Variants in NEURL1 observed in about 807,000 individuals in gnomAD.
NEURL1 encodes the protein E3 ubiquitin-protein ligase NEURL1.
In NEURL1, 26 loss-of-function variants were observed where a neutral mutation model predicts 41.2. That is an observed-to-expected ratio of 0.63 (90% CI 0.46 to 0.87). The LOEUF is 0.87. Ranked by LOEUF, NEURL1 falls within the 40% of genes least tolerant of loss-of-function variation. The pLI is 0.00. For missense variants in NEURL1, 761 were observed against 871.1 expected, an observed-to-expected ratio of 0.87 and a Z score of 1.59; for synonymous variants, 400 against 402.3, an observed-to-expected ratio of 0.99 and a Z score of 0.07.
At chr10:103,588,448 T>C (rs2035968559) in intron 4 of NEURL1, among the ~76,000 whole-genome samples, 1 of 151,952 alleles carries the variant, frequency 6.6e-6, no homozygotes. Context: ...GAGGGAGTAA[T>C]GTGGTCTGGG....
intron 1 of NEURL1, among the ~76,000 whole-genome samples, chr10:103,520,587 T>A (rs1009667462): frequency 2.6e-5 from 4 of 152,186 alleles, no homozygotes; most frequent in Non-Finnish European, 5.9e-5. Context: ...ATCTGGATGT[T>A]TACGTGCAGG....
In NEURL1 at chr10:103,538,943, GTT is replaced by G. The variant is rs59036052; in HGVS notation, c.86-31915_86-31914del. 6.4e-4 allele frequency among the ~76,000 whole-genome samples: 83 copies of G among 129,210 alleles called. 1 individual carries two copies. Among genetic ancestry groups the G allele is most frequent in the Middle Eastern group, 4.8e-3 (1 of 208 alleles). The allele number at this position is 129,210 out of a possible 152,430, so 84.8% of individuals were successfully genotyped here. On this transcript the variant is annotated intron_variant, in intron 1 of 5. Coordinates refer to ENST00000369780, the MANE Select transcript of NEURL1 (RefSeq NM_004210.5). The stretch of plus-strand genomic sequence containing the variant: ...ATTACAGGCATGAGCCACCGCACCC[GTT>G]TTTTTTTTTTTTTCTTTTTCAGACA...
At chr10:103,494,854 T>G in intron 1 of NEURL1, 1 of 215,140 alleles carries the variant, frequency 4.6e-6, no homozygotes, top group Non-Finnish European at 9.1e-6. Flanking sequence ...CCATCGGCCC[T>G]AGGGCTGGAG....
intron 3 of NEURL1, among the ~76,000 whole-genome samples, chr10:103,577,408 A>G (rs2035688998): frequency 6.6e-6 from 1 of 152,202 alleles, no homozygotes; most frequent in Non-Finnish European, 1.5e-5. Context: ...GATCCAGCAT[A>G]TATCCTCTTT....
intron 4 of NEURL1, among the ~76,000 whole-genome samples, chr10:103,588,456 G>C (rs537425992): frequency 6.6e-6 from 1 of 152,256 alleles, no homozygotes; most frequent in African/African-American, 2.4e-5. Context: ...AATGTGGTCT[G>C]GGGGTAGTCA....
At chr10:103,528,843 G>A (rs1364672625) in intron 1 of NEURL1, among the ~76,000 whole-genome samples, 1 of 151,658 alleles carries the variant, frequency 6.6e-6, no homozygotes, top group Non-Finnish European at 1.5e-5. Flanking sequence ...CTGGAACTGG[G>A]CAAGTGTTGG....
At chr10:103,581,513 C>T (rs1302616392) in intron 3 of NEURL1, among the ~76,000 whole-genome samples, 1 of 152,126 alleles carries the variant, frequency 6.6e-6, no homozygotes, top group Non-Finnish European at 1.5e-5. Context: ...AGCTATTTGT[C>T]CAGTCATATA....
At chr10:103,524,263 A>G (rs901700470) in intron 1 of NEURL1, among the ~76,000 whole-genome samples, 1 of 152,128 alleles carries the variant, frequency 6.6e-6, no homozygotes, top group African/African-American at 2.4e-5. Flanking sequence ...TATTCAGCTC[A>G]TCTGCCTGTT....
intron 1 of NEURL1, among the ~76,000 whole-genome samples, chr10:103,496,684 C>G (rs1395098861): frequency 6.6e-6 from 1 of 152,170 alleles, no homozygotes; most frequent in Non-Finnish European, 1.5e-5. Flanking sequence ...TTCAGCTCAA[C>G]CTTCTCTGCA....
At chr10:103,585,999 G>A (rs2133885921) in intron 4 of NEURL1, among the ~76,000 whole-genome samples, 1 of 152,084 alleles carries the variant, frequency 6.6e-6, no homozygotes, top group Non-Finnish European at 1.5e-5. Context: ...GTGGTGTCTG[G>A]TTGGGGGACT....
chr10:103,539,164 C>G (rs1038306310), intron 1 of NEURL1, among the ~76,000 whole-genome samples: 1 of 152,056 alleles, frequency 6.6e-6, no homozygotes. Context: ...CCAGGCTGGT[C>G]TTGAACTCCT....
At chr10:103,567,158 A>G (rs537671452) in intron 1 of NEURL1, among the ~76,000 whole-genome samples, 1 of 150,872 alleles carries the variant, frequency 6.6e-6, no homozygotes, top group South Asian at 2.1e-4. Context: ...TAATTTTTGT[A>G]TTTTTAGTAG....
chr10:103,509,319 T>C (rs1468286432), intron 1 of NEURL1, among the ~76,000 whole-genome samples: 1 of 152,046 alleles, frequency 6.6e-6, no homozygotes, highest in Non-Finnish European at 1.5e-5. Context: ...ATTGTGTTGT[T>C]AGGCGATTTC....
intron 1 of NEURL1, among the ~76,000 whole-genome samples, chr10:103,554,476 G>A (rs924548381): frequency 1.1e-4 from 17 of 152,276 alleles, no homozygotes; most frequent in African/African-American, 2.9e-4. Flanking sequence ...TGGTGTGTGT[G>A]TATGTGCATG....
rs1406474260 is a variant in NEURL1, at chr10:103,556,958, T to C, written c.86-13914T>C. ...GGACAGAGAGGCTCTCAGAGCAGAC[T>C]CAGGACATAGTACACTGTCCTCCAG... On this transcript the variant is annotated intron_variant, in intron 1 of 5. Coordinates refer to ENST00000369780, the MANE Select transcript of NEURL1 (RefSeq NM_004210.5). The surrounding 1 kb of genome is among the most constrained non-coding windows in gnomAD (Gnocchi z 4.4). 6.6e-6 allele frequency among the ~76,000 whole-genome samples: 1 copy of C among 152,192 alleles called. No individual in the cohort carries two copies. The highest frequency in any genetic ancestry group is 1.5e-5 in the Non-Finnish European group (1 of 68,022).
chr10:103,587,401 G>A (rs2133886619), intron 4 of NEURL1, among the ~76,000 whole-genome samples: 1 of 152,308 alleles, frequency 6.6e-6, no homozygotes, highest in African/African-American at 2.4e-5. Context: ...ATAGGCCAAG[G>A]TGGGTGTTGA....
At chr10:103,540,964 T>G (rs151313050) in intron 1 of NEURL1, among the ~76,000 whole-genome samples, 16 of 152,318 alleles carry the variant, frequency 1.1e-4, no homozygotes, top group African/African-American at 3.8e-4. Context: ...TCTAGGCATG[T>G]AAGTGAAACA....
chr10:103,590,285 C>T lies in NEURL1; in HGVS notation c.1638C>T (p.Gly546=), dbSNP rs1393801606. Residue 546 remains glycine, a synonymous_variant, in exon 6 of 6, where the codon GGC becomes GGT. Transcript: ENST00000369780. ...CGHMCLCYAC[G]LRLKKALHAC... ...ACATGTGCCTCTGCTACGCCTGTGG[C>T]CTGCGCCTCAAGAAGGCTCTGCACG... is the stretch of plus-strand genomic sequence containing the variant. The T allele has an allele frequency of 6.2e-7, 1 of 1,614,172 alleles. No homozygotes were observed. The highest frequency in any genetic ancestry group is 1.7e-5 in the Admixed American group (1 of 60,026).
At chr10:103,587,813 G>A (rs1328793285) in intron 4 of NEURL1, among the ~76,000 whole-genome samples, 3 of 152,194 alleles carry the variant, frequency 2.0e-5, no homozygotes, top group Non-Finnish European at 2.9e-5. Context: ...AGAAGGAGAT[G>A]ATAATTAACT....
Sources: allele counts gnomAD v4.1 joint callset (sites outside exome capture counted in the v4.1 genomes callset), GRCh38; gene constraint gnomAD v4.1.1; non-coding constraint Gnocchi (gnomAD v3.1); transcripts MANE v1.5; gene names NCBI Gene and HGNC (gene_info 2026-07-23, HGNC 2026-07-21).